The following TM2D3 variants were observed in gnomAD, a reference collection of about 807,000 sequenced individuals.
TM2D3 encodes the protein TM2 domain containing 3.
Under a neutral mutation model 27.3 loss-of-function variants are expected in TM2D3, and 33 were observed. The ratio of observed to expected loss-of-function variants is 1.21; its 90% CI spans 0.92 to 1.61. The LOEUF (loss-of-function observed/expected upper bound fraction) is 1.61, where lower values mean the gene tolerates loss of function less well. Ranked by LOEUF, TM2D3 falls within the 40% of genes most tolerant of loss-of-function variation. TM2D3 has a pLI of 0.00. For missense variants in TM2D3, 364 were observed against 320.8 expected, an observed-to-expected ratio of 1.13 and a Z score of -1.03; for synonymous variants, 138 against 122.2, an observed-to-expected ratio of 1.13 and a Z score of -0.85.
chr15:101,644,964 G>T, intron 5 of TM2D3, 123 bp downstream of exon 5: 1 of 832,882 alleles, frequency 1.2e-6, no homozygotes, highest in Non-Finnish European at 1.9e-6. Flanking sequence ...CTGTTTGCTA[G>T]AGTCTAACAC....
intron 1 of TM2D3, chr15:101,651,984 T>C (rs1258470379): frequency 1.7e-6 from 1 of 599,628 alleles, no homozygotes; most frequent in African/African-American, 1.9e-5. Flanking sequence ...GACCGAAGGA[T>C]GACATCGCGC....
At chr15:101,644,303 A>T (rs1251588859) in intron 5 of TM2D3, among the ~76,000 whole-genome samples, 2 of 152,142 alleles carry the variant, frequency 1.3e-5, no homozygotes, top group African/African-American at 4.8e-5. Flanking sequence ...ACACCTGGCA[A>T]CATCTGGAGA....
chr15:101,642,375 G>C lies in TM2D3; in HGVS notation c.*104C>G. 1 of 1,400,628 alleles carries C rather than the reference G, an allele frequency of 7.1e-7. No individual in the cohort carries two copies. The highest frequency in any genetic ancestry group is 1.7e-5 in the South Asian group (1 of 57,810). 86.8% of individuals were successfully genotyped at this position (1,400,628 alleles called of 1,614,324 possible). A position where few individuals can be genotyped will look rare whatever the true frequency, so the allele number is the denominator to read the frequency against. On this transcript the variant is annotated 3_prime_UTR_variant, in exon 6 of 6. Coordinates refer to ENST00000333202, the MANE Select transcript of TM2D3 (RefSeq NM_078474.3). Reference sequence around the variant, plus strand: ...TTATCAAGGCAAACAAAGTACAGATGCTGTACATTAAAAACATAGAAATAT... The same window carrying C: ...TTATCAAGGCAAACAAAGTACAGATCCTGTACATTAAAAACATAGAAATAT...
intron 4 of TM2D3, 30 bp downstream of exon 4, chr15:101,646,695 G>C (rs766205451): frequency 6.2e-7 from 1 of 1,613,292 alleles, no homozygotes; most frequent in Admixed American, 1.7e-5. Flanking sequence ...AAAACATTTT[G>C]TTGACAAATG....
chr15:101,643,866 T>C (rs1235485386), intron 5 of TM2D3, among the ~76,000 whole-genome samples: 1 of 152,116 alleles, frequency 6.6e-6, no homozygotes, highest in African/African-American at 2.4e-5. Flanking sequence ...ATCTTTTTTT[T>C]TGAGACAGAA....
downstream of TM2D3, among the ~76,000 whole-genome samples, chr15:101,638,319 A>T (rs141822963): frequency 1.3e-5 from 2 of 149,304 alleles, no homozygotes; most frequent in East Asian, 3.9e-4. Context: ...TTGGAGACAG[A>T]GTTTCGCTCT....
chr15:101,645,279 T>C, intron 4 of TM2D3, 117 bp from the exon 5 acceptor site: 1 of 822,858 alleles, frequency 1.2e-6, no homozygotes, highest in East Asian at 2.7e-5. Context: ...TTTACGGTAA[T>C]ACATGTTGAA....
At chr15:101,650,796 T>C (rs1290569278) in intron 2 of TM2D3, 2 of 152,238 alleles carry the variant, frequency 1.3e-5, no homozygotes, top group Admixed American at 1.3e-4. Context: ...ACCAACCTAA[T>C]GAGTGTGCAA....
intron 4 of TM2D3, chr15:101,646,423 G>A (rs528401442): frequency 6.1e-5 from 9 of 147,708 alleles, no homozygotes; most frequent in Non-Finnish European, 1.2e-4. Context: ...GCACTCAGGC[G>A]GCCGCAATGG....
chr15:101,640,247 G>A (rs1393040613), downstream of TM2D3, among the ~76,000 whole-genome samples: 3 of 152,158 alleles, frequency 2.0e-5, no homozygotes, highest in African/African-American at 4.8e-5. Flanking sequence ...CCTTTGGGAG[G>A]TGATCAGGTC....
intron 4 of TM2D3, chr15:101,634,603 C>T (rs1445692207): frequency 1.3e-5 from 2 of 152,278 alleles, no homozygotes; most frequent in African/African-American, 4.8e-5. Context: ...ACCTAATCGT[C>T]ACTGATAAAA....
intron 1 of TM2D3, 72 bp downstream of exon 1, chr15:101,652,199 G>T: frequency 2.2e-6 from 3 of 1,384,436 alleles, no homozygotes; most frequent in East Asian, 5.1e-5. Flanking sequence ...CCGTGGGCCC[G>T]GCCTCCTCGC....
At chr15:101,637,017 T>C, downstream of TM2D3, 1 of 286,410 alleles carries the variant, frequency 3.5e-6, no homozygotes. Flanking sequence ...ATGTGCCCGG[T>C]GTGGTCCGGC....
chr15:101,645,812 C>CAAAAAAAAAAAAAAAAAA (rs34342353), intron 4 of TM2D3: 1 of 136,444 alleles, frequency 7.3e-6, no homozygotes, highest in Non-Finnish European at 1.6e-5. Flanking sequence ...TACAATAATG[C>CAAAAAAAAAAAAAAAAAA]AAAAAAAAAA....
chr15:101,651,880 A>C, intron 1 of TM2D3, 107 bp from the exon 2 acceptor site: 11 of 1,126,938 alleles, frequency 9.8e-6, no homozygotes, highest in Non-Finnish European at 1.4e-5. Context: ...TAAGCTGCTC[A>C]TGAAAACCTC....
At chr15:101,633,540 A>C (rs1473377950) in exon 5 of TM2D3, 4 of 631,468 alleles carry the variant, frequency 6.3e-6, no homozygotes, top group Non-Finnish European at 1.0e-5. Context: ...CTGAATAAGC[A>C]GTTCCTATCA....
Position 101,642,259 on chromosome 15 carries a change from C to T in TM2D3, c.*220G>A, listed in dbSNP as rs774166450. The T allele has an allele frequency of 1.0e-4, 127 of 1,228,230 alleles. No individual in the cohort carries two copies. Among genetic ancestry groups the T allele is most frequent in the African/African-American group, 1.6e-4 (10 of 64,156 alleles). 76.1% of individuals were successfully genotyped at this position (1,228,230 alleles called of 1,614,324 possible). A position where few individuals can be genotyped will look rare whatever the true frequency, so the allele number is the denominator to read the frequency against. ...ATAATTCATTCTCCTGGCTTAAGTACGTTTTAATTTTTTCACAGAAAAAAA... is the reference window on the plus strand; with the variant it reads ...ATAATTCATTCTCCTGGCTTAAGTATGTTTTAATTTTTTCACAGAAAAAAA... On this transcript the variant is annotated 3_prime_UTR_variant, in exon 6 of 6. Coordinates refer to ENST00000333202, the MANE Select transcript of TM2D3 (RefSeq NM_078474.3).
chr15:101,645,387 AC>A, intron 4 of TM2D3: 2 of 550,774 alleles, frequency 3.6e-6, no homozygotes, highest in Admixed American at 6.5e-5. Context: ...ATGCTCACCC[AC>A]ATATCAAGAC....
intron 1 of TM2D3, 166 bp from the exon 2 acceptor site, chr15:101,651,939 G>A (rs1214747794): frequency 5.7e-6 from 4 of 701,596 alleles, no homozygotes; most frequent in Admixed American, 2.5e-5. Context: ...AACGTCAACA[G>A]AGTAGACATC....
Sources: allele counts gnomAD v4.1 joint callset (sites outside exome capture counted in the v4.1 genomes callset), GRCh38; gene constraint gnomAD v4.1.1; transcripts MANE v1.5; gene names NCBI Gene and HGNC (gene_info 2026-07-23, HGNC 2026-07-21).